Variants in FRYL observed in about 807,000 individuals in gnomAD.
The protein encoded by FRYL is protein furry homolog-like.
A neutral mutation model predicts 351.2 loss-of-function variants in FRYL; 150 were observed. The ratio of observed to expected loss-of-function variants is 0.43; its 90% CI spans 0.37 to 0.49. The LOEUF (loss-of-function observed/expected upper bound fraction) is 0.49. FRYL is among the 20% of genes least tolerant of loss of function. FRYL has a pLI of 0.00. For missense variants in FRYL, 3,036 were observed against 3,619.3 expected (o/e 0.84, Z 4.13); for synonymous variants, 1,153 against 1,257.1 (o/e 0.92, Z 1.75).
intron 1 of FRYL, among the ~76,000 whole-genome samples, chr4:48,740,668 G>A (rs887804033): frequency 3.3e-5 from 5 of 152,038 alleles, no homozygotes; most frequent in South Asian, 2.1e-4. Context: ...GCAAAGAGAT[G>A]CTCCATATCA....
At chr4:48,611,512 A>G (rs1008427625) in intron 7 of FRYL, among the ~76,000 whole-genome samples, 1 of 151,962 alleles carries the variant, frequency 6.6e-6, no homozygotes, top group Non-Finnish European at 1.5e-5. Context: ...ATGTGTCTAT[A>G]CCAAAATCAT....
chr4:48,650,673 G>C (rs1273064497), intron 3 of FRYL, among the ~76,000 whole-genome samples: 6 of 152,188 alleles, frequency 3.9e-5, no homozygotes, highest in Admixed American at 3.9e-4. Flanking sequence ...GCAGAGGCTA[G>C]ATGATGAAAG....
chr4:48,682,037 G>C (rs1387245023), intron 3 of FRYL, among the ~76,000 whole-genome samples: 1 of 152,146 alleles, frequency 6.6e-6, no homozygotes, highest in African/African-American at 2.4e-5. Context: ...GGGTTGTTAA[G>C]TGAGCAAGAA....
intron 26 of FRYL, chr4:48,572,053 A>G: frequency 1.1e-6 from 1 of 922,484 alleles, no homozygotes; most frequent in Non-Finnish European, 1.3e-6. Context: ...GTGCTGAATT[A>G]AAGGAGAATG....
intron 21 of FRYL, among the ~76,000 whole-genome samples, chr4:48,581,178 C>A (rs941596421): frequency 6.6e-6 from 1 of 151,826 alleles, no homozygotes; most frequent in African/African-American, 2.4e-5. Flanking sequence ...AGTAGCTGGA[C>A]TACAGGCGCC....
At chr4:48,541,637 A>G (rs1263961711) in intron 45 of FRYL, among the ~76,000 whole-genome samples, 1 of 152,182 alleles carries the variant, frequency 6.6e-6, no homozygotes, top group Non-Finnish European at 1.5e-5. Flanking sequence ...TGGGACTTGA[A>G]GGACTAGTCA....
chr4:48,604,964 T>C (rs1423799847), intron 11 of FRYL, among the ~76,000 whole-genome samples: 1 of 152,096 alleles, frequency 6.6e-6, no homozygotes, highest in Non-Finnish European at 1.5e-5. Flanking sequence ...AAATGATCAT[T>C]TGGAAGGGAT....
intron 35 of FRYL, among the ~76,000 whole-genome samples, chr4:48,556,352 G>A (rs1734122858): frequency 1.3e-5 from 2 of 152,212 alleles, no homozygotes; most frequent in Admixed American, 1.3e-4. Context: ...CATATCAAAT[G>A]TGTCCTCTTG....
intron 1 of FRYL, among the ~76,000 whole-genome samples, chr4:48,737,632 T>C (rs1771595959): frequency 6.6e-6 from 1 of 152,224 alleles, no homozygotes; most frequent in African/African-American, 2.4e-5. Flanking sequence ...TCTATGACGC[T>C]AGTATCACTC....
At chr4:48,500,251 C>T (rs748062017) in intron 62 of FRYL, 31 bp from the exon 63 acceptor site, 15 of 1,406,898 alleles carry the variant, frequency 1.1e-5, no homozygotes, top group East Asian at 7.3e-5. Context: ...AGGATCTATT[C>T]GTATGTTTGG....
At chr4:48,664,784 G>A (rs1761429356) in intron 3 of FRYL, among the ~76,000 whole-genome samples, 1 of 152,138 alleles carries the variant, frequency 6.6e-6, no homozygotes, top group South Asian at 2.1e-4. Flanking sequence ...TGAGGAAAAA[G>A]AAAGCAGTAA....
rs555900878 is a variant in FRYL, at chr4:48,714,085, C to A, written c.-383-3387G>T. 8.5e-5 allele frequency among the ~76,000 whole-genome samples: 13 copies of A among 152,144 alleles called. No individual in the cohort carries two copies. The East Asian group carries it at 2.1e-3, about 25-fold the overall frequency. ...TCTTTGAAATCAACGAGAACAAAGA[C>A]ACAACATACCAGAATCTCTGGGACA... On this transcript the variant is annotated intron_variant, in intron 1 of 63. Coordinates refer to ENST00000358350, the MANE Select transcript of FRYL (RefSeq NM_015030.2).
intron 24 of FRYL, 124 bp downstream of exon 24, chr4:48,575,906 T>C (rs1739501586): frequency 2.6e-6 from 2 of 755,800 alleles, no homozygotes. Context: ...TATTTTCCTT[T>C]TTGCAAGTAA....
chr4:48,696,184 C>A (rs1766147074), intron 2 of FRYL, among the ~76,000 whole-genome samples: 1 of 152,032 alleles, frequency 6.6e-6, no homozygotes. Context: ...TGGGTATGTA[C>A]CCTAAGGAAT....
chr4:48,776,190 G>A (rs1579002090), intron 1 of FRYL, among the ~76,000 whole-genome samples: 1 of 143,558 alleles, frequency 7.0e-6, no homozygotes, highest in Admixed American at 7.1e-5. Context: ...GTCTCCCTTT[G>A]TTGCCCATAC....
chr4:48,635,503 T>C (rs1485967428), intron 3 of FRYL, among the ~76,000 whole-genome samples: 5 of 152,154 alleles, frequency 3.3e-5, no homozygotes, highest in Non-Finnish European at 7.3e-5. Context: ...ACTCATAGGA[T>C]AGTGGTGCCA....
chr4:48,740,838 A>G (rs753018022), intron 1 of FRYL, among the ~76,000 whole-genome samples: 24 of 152,214 alleles, frequency 1.6e-4, no homozygotes, highest in Non-Finnish European at 3.1e-4. Context: ...TTTGAAAGAC[A>G]GCTTGGTGGT....
At chr4:48,619,506 G>T in intron 6 of FRYL, 136 bp from the exon 7 acceptor site, 1 of 516,768 alleles carries the variant, frequency 1.9e-6, no homozygotes, top group Non-Finnish European at 3.3e-6. Flanking sequence ...GAAGCTTTTT[G>T]TTTTTTATTT....
At chr4:48,633,429 T>C (rs947871973) in intron 4 of FRYL, among the ~76,000 whole-genome samples, 1 of 152,166 alleles carries the variant, frequency 6.6e-6, no homozygotes, top group Non-Finnish European at 1.5e-5. Flanking sequence ...TATTTCTAGT[T>C]ACCATCTCTT....
Sources: allele counts gnomAD v4.1 joint callset (sites outside exome capture counted in the v4.1 genomes callset), GRCh38; gene constraint gnomAD v4.1.1; transcripts MANE v1.5; gene names NCBI Gene and HGNC (gene_info 2026-07-23, HGNC 2026-07-21).